The following MMD2 variants were observed in gnomAD, a reference collection of about 807,000 sequenced individuals.
MMD2 encodes the protein monocyte to macrophage differentiation factor 2.
MMD2 carries 30 observed loss-of-function variants against 33.5 expected under a neutral mutation model. That is an observed-to-expected ratio of 0.90 (90% CI 0.67 to 1.22). MMD2 has a LOEUF of 1.22. Among genes scored for constraint, MMD2 ranks in the 50% most tolerant of loss-of-function variants. MMD2 has a pLI of 0.00. For synonymous variants in MMD2, 129 were observed against 123.0 expected (o/e 1.05, Z -0.32); for missense variants, 364 against 325.4 (o/e 1.12, Z -0.91).
chr7:4,930,829 C>T (rs1228583348), intron 1 of MMD2, among the ~76,000 whole-genome samples: 2 of 152,018 alleles, frequency 1.3e-5, no homozygotes, highest in African/African-American at 2.4e-5. Flanking sequence ...AGGTGCATGT[C>T]GTGCTTGTTT....
At chr7:4,951,980 T>G (rs1204054756) in intron 1 of MMD2, among the ~76,000 whole-genome samples, 2 of 151,788 alleles carry the variant, frequency 1.3e-5, no homozygotes, top group African/African-American at 2.4e-5. Flanking sequence ...CTAGTGATCT[T>G]CCAGCTCAGC....
At chr7:4,904,118 A>C (rs1477306510), downstream of MMD2, among the ~76,000 whole-genome samples, 1 of 152,140 alleles carries the variant, frequency 6.6e-6, no homozygotes, top group Non-Finnish European at 1.5e-5. Context: ...TTTTTAGTAG[A>C]GACGGGGTTT....
the MMD2 span, among the ~76,000 whole-genome samples, chr7:4,894,063 G>A: frequency 1.3e-5 from 2 of 152,074 alleles, no homozygotes; most frequent in African/African-American, 4.8e-5. This position sits in a 1 kb window ranked among gnomAD's most constrained non-coding sequence, Gnocchi z 4.3. Flanking sequence ...TAGGAATGCA[G>A]CCCAGTAGAT....
intron 1 of MMD2, among the ~76,000 whole-genome samples, chr7:4,926,528 C>A (rs989504319): frequency 6.6e-6 from 1 of 152,066 alleles, no homozygotes; most frequent in Non-Finnish European, 1.5e-5. Context: ...TCACTCCTCA[C>A]CCCCAAGAAA....
At chr7:4,900,846 AC>A in the MMD2 span, among the ~76,000 whole-genome samples, 4 of 152,072 alleles carry the variant, frequency 2.6e-5, no homozygotes, top group Non-Finnish European at 4.4e-5. Context: ...TTCCATATAA[AC>A]CAGCTCCCTG....
At chr7:4,955,963 G>A (rs1263216236) in intron 1 of MMD2, among the ~76,000 whole-genome samples, 2 of 152,216 alleles carry the variant, frequency 1.3e-5, no homozygotes, top group Non-Finnish European at 2.9e-5. Flanking sequence ...TGAGGCAGGA[G>A]AATCGCTTAA....
Position 4,920,339 on chromosome 7 carries a change from G to C in MMD2, c.130-8C>G. 4 of 1,602,336 alleles carry C rather than the reference G, an allele frequency of 2.5e-6. No individual in the cohort carries two copies. The highest frequency in any genetic ancestry group is 3.4e-6 in the Non-Finnish European group (4 of 1,175,074). On this transcript the variant is annotated splice_region_variant and splice_polypyrimidine_tract_variant and intron_variant, in intron 2 of 6. Transcript: ENST00000401401. ...GCTGGGGATGATCCAGAACTGGAGG[G>C]GCAGGGACGGCAGGGACAGGTGCAG... is the stretch of plus-strand genomic sequence containing the variant.
intron 1 of MMD2, among the ~76,000 whole-genome samples, chr7:4,930,576 G>A (rs1321862202): frequency 6.6e-6 from 1 of 151,100 alleles, no homozygotes; most frequent in Non-Finnish European, 1.5e-5. Flanking sequence ...CCTGGGAGGC[G>A]GAGGTTGTGC....
downstream of MMD2, among the ~76,000 whole-genome samples, chr7:4,901,019 A>C (rs1784787226): frequency 6.6e-6 from 1 of 152,036 alleles, no homozygotes; most frequent in Non-Finnish European, 1.5e-5. Context: ...GGGCGCCTGT[A>C]ATCCCAGCTA....
chr7:4,925,289 CCAGTGGCCTTCCCTCGAGACGCCA>C (rs1405368464), intron 2 of MMD2, among the ~76,000 whole-genome samples, 138 bp downstream of exon 2: 2 of 151,336 alleles, frequency 1.3e-5, no homozygotes, highest in African/African-American at 4.8e-5. Flanking sequence ...CCAGTTTACC[CCAGTGGCCTTCCCTCGAGACGCCA>C]CAGTGGCCTT....
chr7:4,955,272 T>C (rs1000533100), intron 1 of MMD2, among the ~76,000 whole-genome samples: 6 of 152,222 alleles, frequency 3.9e-5, no homozygotes, highest in African/African-American at 1.4e-4. Context: ...CTTTATGATA[T>C]GAATGTTTCT....
chr7:4,896,450 A>G, the MMD2 span, among the ~76,000 whole-genome samples: 1 of 152,202 alleles, frequency 6.6e-6, no homozygotes, highest in African/African-American at 2.4e-5. Flanking sequence ...ACTGCACTCC[A>G]GCCTGGGTGA....
chr7:4,910,943 T>C (rs531309638), intron 5 of MMD2, among the ~76,000 whole-genome samples: 9 of 152,276 alleles, frequency 5.9e-5, no homozygotes, highest in African/African-American at 2.2e-4. Flanking sequence ...CCTGGCCACC[T>C]ATGATGTCTT....
intron 3 of MMD2, among the ~76,000 whole-genome samples, chr7:4,919,504 G>A (rs1785220765): frequency 6.6e-6 from 1 of 152,030 alleles, no homozygotes; most frequent in Admixed American, 6.6e-5. Flanking sequence ...GGAGGTGGAG[G>A]CTACAGTGAG....
At chr7:4,903,018 A>T (rs886203836), downstream of MMD2, among the ~76,000 whole-genome samples, 1 of 152,204 alleles carries the variant, frequency 6.6e-6, no homozygotes, top group Non-Finnish European at 1.5e-5. Flanking sequence ...CGGGCAGATC[A>T]CTTGAAGTCA....
chr7:4,926,821 A>C (rs10951722), intron 1 of MMD2, among the ~76,000 whole-genome samples: 2 of 151,488 alleles, frequency 1.3e-5, no homozygotes, highest in South Asian at 2.1e-4. Flanking sequence ...CTCGGCTCAC[A>C]GCAAGCTCCG....
chr7:4,897,277 A>ATT, the MMD2 span, among the ~76,000 whole-genome samples: 2 of 143,594 alleles, frequency 1.4e-5, no homozygotes, highest in East Asian at 2.1e-4. Flanking sequence ...AGACATCTTG[A>ATT]TTTTTTTTTT....
At chr7:4,903,081 T>G (rs376186404), downstream of MMD2, among the ~76,000 whole-genome samples, 1 of 151,996 alleles carries the variant, frequency 6.6e-6, no homozygotes, top group Admixed American at 6.6e-5. Flanking sequence ...CTACTAAAAA[T>G]ACACAAATTA....
downstream of MMD2, among the ~76,000 whole-genome samples, chr7:4,905,517 G>A (rs550516131): frequency 1.3e-5 from 2 of 151,832 alleles, no homozygotes; most frequent in East Asian, 3.9e-4. The surrounding 1 kb of genome is among the most constrained non-coding windows in gnomAD (Gnocchi z 5.0). Flanking sequence ...AGGAAGCAAG[G>A]AAGAAGGAGT....
Sources: gnomAD v4.1 joint callset for allele counts (sites outside exome capture counted in the v4.1 genomes callset) on GRCh38, gnomAD v4.1.1 for gene constraint, Gnocchi (gnomAD v3.1) non-coding constraint, MANE v1.5 for transcripts, NCBI Gene and HGNC (gene_info 2026-07-23, HGNC 2026-07-21) for gene names.